PHF14: variants seen among roughly 807,000 people sequenced by gnomAD.
PHF14 encodes PHD finger protein 14.
A neutral mutation model predicts 117.9 loss-of-function variants in PHF14; 55 were observed. That is an observed-to-expected ratio of 0.47 (90% CI 0.38 to 0.58). The LOEUF (loss-of-function observed/expected upper bound fraction) is 0.58. Ranked by LOEUF, PHF14 falls within the 20% of genes least tolerant of loss-of-function variation. PHF14 has a pLI of 0.00. For missense variants in PHF14, 978 were observed against 1,122.2 expected (o/e 0.87, Z 1.84); for synonymous variants, 409 against 368.6 (o/e 1.11, Z -1.26).
chr7:11,020,992 C>T (rs968128353), intron 5 of PHF14, among the ~76,000 whole-genome samples: 2 of 152,150 alleles, frequency 1.3e-5, no homozygotes, highest in African/African-American at 2.4e-5. Flanking sequence ...ATGAAAATAA[C>T]GTACTTGACG....
chr7:10,996,717 A>T (rs1430545470), intron 4 of PHF14, among the ~76,000 whole-genome samples: 1 of 152,234 alleles, frequency 6.6e-6, no homozygotes, highest in Non-Finnish European at 1.5e-5. Context: ...TTTAAGTAGG[A>T]TAGAAGGACC....
intron 3 of PHF14, among the ~76,000 whole-genome samples, chr7:10,984,168 C>G (rs1782139587): frequency 6.6e-6 from 1 of 152,006 alleles, no homozygotes; most frequent in African/African-American, 2.4e-5. Flanking sequence ...TTTATTTGTT[C>G]TTTCACATTT....
intron 16 of PHF14, chr7:11,108,728 C>G (rs1023159658): frequency 6.6e-6 from 1 of 151,674 alleles, no homozygotes; most frequent in East Asian, 1.9e-4. Flanking sequence ...AAATCAGCAA[C>G]AGATTGGAAC....
intron 14 of PHF14, among the ~76,000 whole-genome samples, chr7:11,055,481 C>T (rs951358710): frequency 1.2e-4 from 18 of 152,070 alleles, no homozygotes; most frequent in Non-Finnish European, 2.1e-4. Flanking sequence ...CTTACAAATT[C>T]TGGTTGTGTT....
At chr7:11,104,583 A>G (rs1787195732) in intron 16 of PHF14, 21 of 984,030 alleles carry the variant, frequency 2.1e-5, no homozygotes, top group Non-Finnish European at 2.5e-5. Context: ...AGGGAAAGGA[A>G]GAAACATGAA....
chr7:10,979,033 C>G (rs926425642), intron 2 of PHF14, among the ~76,000 whole-genome samples: 1 of 151,864 alleles, frequency 6.6e-6, no homozygotes, highest in Non-Finnish European at 1.5e-5. Context: ...CACTGTTGTA[C>G]CAGATCAATG....
Position 10,979,744 on chromosome 7 carries a change from A to G in PHF14, c.113-2628A>G, listed in dbSNP as rs935999775. Among the ~76,000 whole-genome samples, 34 of 152,132 alleles carry G rather than the reference A, an allele frequency of 2.2e-4. No individual in the cohort carries two copies. The East Asian group carries it at 6.6e-3, about 29-fold the overall frequency. ...GCATATGTACAAAAAAGAAATAGTG[A>G]CTAATTAGATGAAGAAGTTATTTTT... On this transcript the variant is annotated intron_variant, in intron 2 of 17. Transcript: ENST00000634607.
chr7:11,056,120 T>C (rs558754221), intron 14 of PHF14, among the ~76,000 whole-genome samples: 4 of 152,232 alleles, frequency 2.6e-5, no homozygotes, highest in Admixed American at 6.5e-5. Context: ...GTTTTTGTAG[T>C]GAACTAGAAC....
At chr7:11,012,116 A>G (rs1415350087) in intron 4 of PHF14, among the ~76,000 whole-genome samples, 1 of 152,192 alleles carries the variant, frequency 6.6e-6, no homozygotes, top group Non-Finnish European at 1.5e-5. Context: ...CACAGACAAA[A>G]TTGAGTTGTA....
chr7:11,144,564 A>G, intron 17 of PHF14, among the ~76,000 whole-genome samples: 1 of 148,862 alleles, frequency 6.7e-6, no homozygotes, highest in Non-Finnish European at 1.5e-5. Flanking sequence ...TAGCACTATA[A>G]TTTATAATAT....
intron 16 of PHF14, chr7:11,104,376 A>G: frequency 1.0e-6 from 1 of 962,038 alleles, no homozygotes; most frequent in Non-Finnish European, 1.2e-6. Context: ...CTAGAATAGA[A>G]TACTTTCTCC....
At chr7:11,112,957 C>A (rs1037069124) in intron 17 of PHF14, among the ~76,000 whole-genome samples, 2 of 151,832 alleles carry the variant, frequency 1.3e-5, no homozygotes, top group African/African-American at 4.8e-5. Context: ...GATTTTATTG[C>A]ACAGTTCAAA....
At chr7:11,092,754 C>T (rs919568444) in intron 16 of PHF14, among the ~76,000 whole-genome samples, 6 of 152,056 alleles carry the variant, frequency 3.9e-5, no homozygotes, top group Non-Finnish European at 5.9e-5. Flanking sequence ...ATTCTTTACT[C>T]GCTGAACCTG....
intron 14 of PHF14, among the ~76,000 whole-genome samples, chr7:11,055,401 C>T (rs545593885): frequency 1.1e-4 from 17 of 152,250 alleles, no homozygotes; most frequent in Middle Eastern, 3.4e-3. Context: ...TGGGACCTCT[C>T]TTTCCATTGT....
At chr7:11,115,829 C>T (rs1379000057) in intron 17 of PHF14, among the ~76,000 whole-genome samples, 1 of 151,984 alleles carries the variant, frequency 6.6e-6, no homozygotes, top group African/African-American at 2.4e-5. Flanking sequence ...AATTACAGAG[C>T]AGTTATTTTG....
At chr7:10,992,455 G>C (rs1217391847) in intron 4 of PHF14, among the ~76,000 whole-genome samples, 1 of 150,560 alleles carries the variant, frequency 6.6e-6, no homozygotes, top group African/African-American at 2.4e-5. Flanking sequence ...CTGAGGTCAG[G>C]AGTTTGAGAC....
intron 7 of PHF14, among the ~76,000 whole-genome samples, chr7:11,032,228 G>A (rs1417573507): frequency 2.0e-5 from 3 of 152,214 alleles, no homozygotes; most frequent in African/African-American, 7.2e-5. Context: ...ATATATGGCT[G>A]AGGTGGGGTG....
intron 16 of PHF14, among the ~76,000 whole-genome samples, chr7:11,077,087 T>C (rs1383245165): frequency 2.0e-5 from 3 of 151,976 alleles, no homozygotes; most frequent in Admixed American, 2.0e-4. Context: ...AAATTCATAG[T>C]ATGTTACCAT....
At chr7:11,168,019 C>A (rs77491257) in intron 17 of PHF14, among the ~76,000 whole-genome samples, 322 of 122,312 alleles carry the variant, frequency 2.6e-3, no homozygotes, top group African/African-American at 2.7e-3. Flanking sequence ...GAGTCCGTCT[C>A]AAAAAAAAAA....
Sources: gnomAD v4.1 joint callset for allele counts (sites outside exome capture counted in the v4.1 genomes callset) on GRCh38, gnomAD v4.1.1 for gene constraint, MANE v1.5 for transcripts, NCBI Gene and HGNC (gene_info 2026-07-23, HGNC 2026-07-21) for gene names.